The following TRA2A variants were observed in gnomAD, a reference collection of about 807,000 sequenced individuals.
The protein encoded by TRA2A is transformer-2 protein homolog alpha.
In TRA2A, 31 loss-of-function variants were observed where a neutral mutation model predicts 45.7. The ratio of observed to expected loss-of-function variants is 0.68; its 90% CI spans 0.51 to 0.92. The LOEUF is 0.92. TRA2A is among the 40% of genes least tolerant of loss of function. The probability of loss-of-function intolerance (pLI) is 0.00; values close to 1 mark genes in which losing one functional copy is unlikely to be tolerated. For synonymous variants in TRA2A, 132 were observed against 126.2 expected, an observed-to-expected ratio of 1.05 and a Z score of -0.31; for missense variants, 304 against 367.5, an observed-to-expected ratio of 0.83 and a Z score of 1.41.
At chr7:23,505,860 T>C in intron 6 of TRA2A, 47 bp from the exon 7 acceptor site, 1 of 1,166,812 alleles carries the variant, frequency 8.6e-7, no homozygotes, top group Non-Finnish European at 1.2e-6. Flanking sequence ...ATCACTCCAC[T>C]GAGGCAGATG....
intron 3 of TRA2A, among the ~76,000 whole-genome samples, chr7:23,515,172 A>C (rs1020043791): frequency 6.6e-6 from 1 of 150,824 alleles, no homozygotes; most frequent in Non-Finnish European, 1.5e-5. Context: ...AATATAACCC[A>C]GTATTCCCAA....
Position 23,517,061 on chromosome 7 carries a change from C to T in TRA2A, c.171-533G>A, listed in dbSNP as rs143642987. On this transcript the variant is annotated intron_variant, in intron 2 of 7. Transcript: ENST00000297071. ...AGGCAGAGGTTGCAAGCCGAGATTGCGCCACCGCACTCCAGCATGGTAACA... is the reference window on the plus strand; with the variant it reads ...AGGCAGAGGTTGCAAGCCGAGATTGTGCCACCGCACTCCAGCATGGTAACA... Among the ~76,000 whole-genome samples, 50 of 151,618 alleles carry T rather than the reference C, an allele frequency of 3.3e-4. No homozygotes were observed. In the East Asian group the frequency reaches 8.3e-3, roughly 25 times the overall value.
chr7:23,507,994 G>A (rs1789420475), intron 4 of TRA2A, among the ~76,000 whole-genome samples: 1 of 152,072 alleles, frequency 6.6e-6, no homozygotes, highest in Non-Finnish European at 1.5e-5. Flanking sequence ...TACAAAGACT[G>A]ACTTCAGAAC....
In TRA2A at chr7:23,505,585, CAAAAAAAAAAA is replaced by C. The variant is rs5882904; in HGVS notation, c.839-27_839-17del. 2 of 245,000 alleles carry C rather than the reference CAAAAAAAAAAA, an allele frequency of 8.2e-6. No individual in the cohort carries two copies. The highest frequency in any genetic ancestry group is 1.2e-3 in the Middle Eastern group (1 of 848). The allele number at this position is 245,000 out of a possible 1,614,324, so 15.2% of individuals were successfully genotyped here. A position where few individuals can be genotyped will look rare whatever the true frequency, so the allele number is the denominator to read the frequency against. On this transcript the variant is annotated splice_polypyrimidine_tract_variant and intron_variant, in intron 7 of 7. Coordinates refer to ENST00000297071, the MANE Select transcript of TRA2A (RefSeq NM_013293.5). ...CAATAGCGTCCTAAAAGAGAAAAAG[CAAAAAAAAAAA>C]AAAAAAAAAAAAGTTAACAATTATA... is the stretch of plus-strand genomic sequence containing the variant.
intron 6 of TRA2A, 51 bp downstream of exon 6, chr7:23,506,087 T>A (rs1389813637): frequency 1.3e-6 from 2 of 1,485,580 alleles, no homozygotes. Flanking sequence ...AAGTGCCAAG[T>A]AACACTACTA....
At chr7:23,506,534 A>T (rs567654078) in intron 5 of TRA2A, 9 of 401,598 alleles carry the variant, frequency 2.2e-5, no homozygotes, top group African/African-American at 1.8e-4. Context: ...CTTTTCAACA[A>T]ATTGAAACGA....
chr7:23,508,644 G>A (rs184183153), intron 4 of TRA2A, among the ~76,000 whole-genome samples: 2 of 152,274 alleles, frequency 1.3e-5, no homozygotes, highest in African/African-American at 2.4e-5. Flanking sequence ...ACAGGCATGC[G>A]CCACCATGCC....
intron 5 of TRA2A, among the ~76,000 whole-genome samples, chr7:23,506,740 A>G (rs1789355641): frequency 1.3e-5 from 2 of 152,214 alleles, no homozygotes; most frequent in Admixed American, 6.6e-5. Flanking sequence ...TTTTATTCCC[A>G]AGAAATACCT....
intron 2 of TRA2A, among the ~76,000 whole-genome samples, chr7:23,519,956 A>C (rs1232328528): frequency 6.6e-6 from 1 of 152,224 alleles, no homozygotes; most frequent in Non-Finnish European, 1.5e-5. Flanking sequence ...AGCTGGGCGC[A>C]GTGGCTCACG....
chr7:23,506,489 C>T, intron 5 of TRA2A: 2 of 469,658 alleles, frequency 4.3e-6, no homozygotes, highest in Non-Finnish European at 7.4e-6. Flanking sequence ...AAACTATTAA[C>T]TGCTTTTCTA....
At chr7:23,528,203 TTC>T (rs898855947) in intron 1 of TRA2A, among the ~76,000 whole-genome samples, 15 of 152,240 alleles carry the variant, frequency 9.9e-5, no homozygotes, top group Admixed American at 2.0e-4. Context: ...AATTTAAAAG[TTC>T]TGTGTTTTTT....
At chr7:23,506,083 CA>C in intron 6 of TRA2A, 54 bp downstream of exon 6, 1 of 1,457,712 alleles carries the variant, frequency 6.9e-7, no homozygotes, top group Non-Finnish European at 9.4e-7. Flanking sequence ...ATAAAAGTGC[CA>C]AGTAACACTA....
In TRA2A at chr7:23,505,401, A is replaced by T; in HGVS notation, c.*158T>A. ...TTTAAGAGTATAATAAAATGGGTGG[A>T]AAACAGCAACACAACTGACAAAAGT... On this transcript the variant is annotated 3_prime_UTR_variant, in exon 8 of 8. Transcript: ENST00000297071. The T allele has an allele frequency of 4.1e-6, 2 of 482,792 alleles. No individual in the cohort carries two copies. The allele number at this position is 482,792 out of a possible 1,614,324, so 29.9% of individuals were successfully genotyped here.
chr7:23,531,618 T>C (rs1279439374), intron 1 of TRA2A, 171 bp downstream of exon 1: 9 of 666,762 alleles, frequency 1.3e-5, no homozygotes, highest in Non-Finnish European at 2.3e-5. Flanking sequence ...CCGTGGTGTT[T>C]GGGGAAGGAG....
chr7:23,531,301 C>G (rs1171025543), intron 1 of TRA2A: 1 of 962,274 alleles, frequency 1.0e-6, no homozygotes, highest in Non-Finnish European at 1.2e-6. Flanking sequence ...GACACAGGCC[C>G]CAGCTAGTCC....
At chr7:23,519,243 A>C (rs933160284) in intron 2 of TRA2A, among the ~76,000 whole-genome samples, 1 of 152,070 alleles carries the variant, frequency 6.6e-6, no homozygotes, top group Non-Finnish European at 1.5e-5. Context: ...AATACAAAAA[A>C]TTAGCTGGGT....
intron 3 of TRA2A, among the ~76,000 whole-genome samples, chr7:23,515,150 C>G (rs1205991894): frequency 1.3e-5 from 2 of 151,094 alleles, no homozygotes; most frequent in Non-Finnish European, 2.9e-5. Flanking sequence ...CTTACCCCAT[C>G]AAAAAACTTT....
intron 1 of TRA2A, among the ~76,000 whole-genome samples, chr7:23,524,372 T>C (rs979179882): frequency 1.3e-5 from 2 of 152,172 alleles, no homozygotes; most frequent in African/African-American, 4.8e-5. Flanking sequence ...TTAATAGAGA[T>C]GGGGTTTTCC....
chr7:23,523,906 A>G (rs1466752592), intron 1 of TRA2A, among the ~76,000 whole-genome samples: 3 of 152,196 alleles, frequency 2.0e-5, no homozygotes, highest in Admixed American at 6.5e-5. Flanking sequence ...TCCTTTCCAC[A>G]AAACAGACCC....
Sources: allele counts gnomAD v4.1 joint callset (sites outside exome capture counted in the v4.1 genomes callset), GRCh38; gene constraint gnomAD v4.1.1; transcripts MANE v1.5; gene names NCBI Gene and HGNC (gene_info 2026-07-23, HGNC 2026-07-21).